LUZP1: variants seen among roughly 807,000 people sequenced by gnomAD.
LUZP1 encodes filamin mechanobinding actin cross-linking protein.
Under a neutral mutation model 71.3 loss-of-function variants are expected in LUZP1, and 25 were observed. The ratio of observed to expected loss-of-function variants is 0.35; its 90% CI spans 0.26 to 0.49. The LOEUF is 0.49. LUZP1 is among the 20% of genes least tolerant of loss of function. The probability of loss-of-function intolerance (pLI) is 0.99; values close to 1 mark genes in which losing one functional copy is unlikely to be tolerated. For synonymous variants in LUZP1, 481 were observed against 506.4 expected (o/e 0.95, Z 0.67); for missense variants, 1,142 against 1,300.8 (o/e 0.88, Z 1.88).
chr1:23,084,677 G>A (rs941788845), exon 5 of LUZP1: 3 of 152,022 alleles, frequency 2.0e-5, no homozygotes, highest in South Asian at 4.2e-4. Context: ...TGAGTTAAGG[G>A]ACATCATTAT....
At chr1:23,145,481 T>C (rs939469482) in intron 2 of LUZP1, among the ~76,000 whole-genome samples, 1 of 150,956 alleles carries the variant, frequency 6.6e-6, no homozygotes, top group African/African-American at 2.4e-5. Context: ...TTTTTTTTTT[T>C]TTTTTGAGAC....
At chr1:23,150,633 G>A (rs960908889) in intron 2 of LUZP1, among the ~76,000 whole-genome samples, 2 of 152,208 alleles carry the variant, frequency 1.3e-5, no homozygotes, top group East Asian at 3.9e-4. Context: ...TAAGGCAGAC[G>A]GAACTTTGAG....
At chr1:23,122,136 A>T (rs551011526) in intron 2 of LUZP1, among the ~76,000 whole-genome samples, 1 of 152,346 alleles carries the variant, frequency 6.6e-6, no homozygotes, top group South Asian at 2.1e-4. Context: ...AAAGACACTT[A>T]ACACCTACAA....
At chr1:23,142,698 TATACAC>T (rs1231359856) in intron 2 of LUZP1, among the ~76,000 whole-genome samples, 1,589 of 101,244 alleles carry the variant, frequency 0.016, 16 homozygotes, top group African/African-American at 0.048. Flanking sequence ...TATATATATA[TATACAC>T]ACACACACAC....
At chr1:23,166,861 T>C (rs945351146) in intron 2 of LUZP1, among the ~76,000 whole-genome samples, 5 of 152,204 alleles carry the variant, frequency 3.3e-5, no homozygotes, top group African/African-American at 1.2e-4. Context: ...TCCGCATTAT[T>C]AATCACTGGT....
At chr1:23,151,087 A>C (rs1644379638) in intron 2 of LUZP1, among the ~76,000 whole-genome samples, 1 of 152,118 alleles carries the variant, frequency 6.6e-6, no homozygotes, top group Admixed American at 6.5e-5. Flanking sequence ...TCTGTCGCCC[A>C]GGCTGGAGTG....
chr1:23,120,026 C>T (rs1348534721), intron 2 of LUZP1, among the ~76,000 whole-genome samples: 1 of 151,742 alleles, frequency 6.6e-6, no homozygotes, highest in African/African-American at 2.4e-5. Flanking sequence ...CCTGCAGTCT[C>T]AACCCCCTGG....
At chr1:23,154,379 A>AT (rs1033957633) in intron 2 of LUZP1, among the ~76,000 whole-genome samples, 8 of 151,542 alleles carry the variant, frequency 5.3e-5, no homozygotes, top group Non-Finnish European at 1.0e-4. Flanking sequence ...CAAAAAAAAA[A>AT]TTTTTTTTTA....
intron 2 of LUZP1, among the ~76,000 whole-genome samples, chr1:23,163,111 G>A (rs1013191777): frequency 6.6e-6 from 1 of 151,528 alleles, no homozygotes; most frequent in Non-Finnish European, 1.5e-5. Flanking sequence ...GTAGTGGCAG[G>A]CACCTGTACT....
In LUZP1 at chr1:23,094,564, G is replaced by T. The variant is rs1050883231; in HGVS notation, c.-119-184C>A. Among the ~76,000 whole-genome samples the T allele has an allele frequency of 6.6e-6, 1 of 152,200 alleles. No individual in the cohort carries two copies. Among genetic ancestry groups the T allele is most frequent in the Admixed American group, 6.5e-5 (1 of 15,282 alleles). On this transcript the variant is annotated intron_variant, in intron 3 of 4. Coordinates refer to ENST00000302291, the Ensembl canonical transcript of LUZP1. The surrounding 1 kb of genome is among the most constrained non-coding windows in gnomAD (Gnocchi z 4.7). ...ACTGGTTCTTTATGGCCGATATTGA[G>T]TTGATACCTCATTTCGCCCTAATAA...
Position 23,138,997 on chromosome 1 carries a change from C to CAAAAAAA in LUZP1, c.-226+29762_-226+29768dup, listed in dbSNP as rs535524035. ...TGGGTGACAGAGCAAGACTCCATCT[C>CAAAAAAA]AAAAAAAAAAAAAAAAAAAAAAATA... On this transcript the variant is annotated intron_variant, in intron 2 of 4. Transcript: ENST00000302291. 2.4e-3 allele frequency among the ~76,000 whole-genome samples: 51 copies of CAAAAAAA among 21,574 alleles called. 8 individuals carry two copies. Among genetic ancestry groups the CAAAAAAA allele is most frequent in the African/African-American group, 3.0e-3 (16 of 5,420 alleles). 14.2% of individuals were successfully genotyped at this position (21,574 alleles called of 152,430 possible).
At chr1:23,169,788 G>A (rs1460884437) in intron 1 of LUZP1, among the ~76,000 whole-genome samples, 1 of 152,110 alleles carries the variant, frequency 6.6e-6, no homozygotes, top group Non-Finnish European at 1.5e-5. Flanking sequence ...CTCTCGCTGC[G>A]GATGCCCTCC....
chr1:23,136,028 A>C (rs1175127531), intron 2 of LUZP1, among the ~76,000 whole-genome samples: 1 of 152,180 alleles, frequency 6.6e-6, no homozygotes, highest in Admixed American at 6.5e-5. Context: ...CCAGAAACAT[A>C]GTAGACACCC....
intron 2 of LUZP1, among the ~76,000 whole-genome samples, chr1:23,160,563 G>A (rs920474918): frequency 1.3e-5 from 2 of 152,036 alleles, no homozygotes; most frequent in African/African-American, 4.8e-5. Context: ...GTGCACTCCC[G>A]GCCTTTAGAT....
At chr1:23,175,696 T>C (rs1046350360) in intron 1 of LUZP1, among the ~76,000 whole-genome samples, 1 of 152,220 alleles carries the variant, frequency 6.6e-6, no homozygotes, top group African/African-American at 2.4e-5. Context: ...TGCCAGGCAC[T>C]ACACAGACTG....
intron 2 of LUZP1, among the ~76,000 whole-genome samples, chr1:23,149,960 CAAAAAAA>C (rs66680455): frequency 2.6e-5 from 2 of 75,780 alleles, no homozygotes; most frequent in African/African-American, 5.4e-5. Context: ...GACTCCGTCT[CAAAAAAA>C]AAAAAAAAAA....
intron 2 of LUZP1, among the ~76,000 whole-genome samples, chr1:23,167,456 A>G (rs1170211033): frequency 6.6e-6 from 1 of 152,124 alleles, no homozygotes; most frequent in Non-Finnish European, 1.5e-5. Flanking sequence ...CCTTCTCCCA[A>G]GGTCATTCAA....
chr1:23,168,118 G>A (rs1409875807), intron 2 of LUZP1, among the ~76,000 whole-genome samples: 1 of 147,286 alleles, frequency 6.8e-6, no homozygotes. Context: ...ACGCGGGCCG[G>A]CGCGGCCGAC....
At chr1:23,109,377 G>A (rs1264701912) in intron 2 of LUZP1, among the ~76,000 whole-genome samples, 3 of 152,190 alleles carry the variant, frequency 2.0e-5, no homozygotes, top group Non-Finnish European at 4.4e-5. Flanking sequence ...TATGGTCCTA[G>A]GGTAGAACCC....
Sources: allele counts gnomAD v4.1 joint callset (sites outside exome capture counted in the v4.1 genomes callset), GRCh38; gene constraint gnomAD v4.1.1; non-coding constraint Gnocchi (gnomAD v3.1); transcripts MANE v1.5; gene names NCBI Gene and HGNC (gene_info 2026-07-23, HGNC 2026-07-21).